Variants in METTL15 observed in about 807,000 individuals in gnomAD.
The protein encoded by METTL15 is methyltransferase 15, mitochondrial 12S rRNA N4-cytidine.
Under a neutral mutation model 38.3 loss-of-function variants are expected in METTL15, and 34 were observed. That is an observed-to-expected ratio of 0.89 (90% CI 0.68 to 1.18). METTL15 has a LOEUF of 1.18. Ranked by LOEUF, METTL15 falls within the 50% of genes most tolerant of loss-of-function variation. The pLI, the probability that METTL15 is intolerant of heterozygous loss-of-function variation, is 0.00. For synonymous variants in METTL15, 162 were observed against 170.9 expected (o/e 0.95, Z 0.41); for missense variants, 438 against 498.4 (o/e 0.88, Z 1.15).
At chr11:28,187,056 T>G (rs1851521601) in intron 3 of METTL15, among the ~76,000 whole-genome samples, 1 of 151,218 alleles carries the variant, frequency 6.6e-6, no homozygotes, top group Admixed American at 6.6e-5. Context: ...GGAATAACCT[T>G]AAACAAATCT....
chr11:28,261,891 C>T (rs569000872), intron 4 of METTL15, among the ~76,000 whole-genome samples: 102 of 152,302 alleles, frequency 6.7e-4, no homozygotes, highest in African/African-American at 2.5e-3. Flanking sequence ...TCATTATAAA[C>T]TAACCACATA....
At chr11:28,495,706 A>C (rs867935699) in intron 6 of METTL15, among the ~76,000 whole-genome samples, 37 of 152,158 alleles carry the variant, frequency 2.4e-4, no homozygotes, top group African/African-American at 6.8e-4. Context: ...TCCTAATAAC[A>C]TTTAAACCCA....
At chr11:28,128,849 A>G (rs570566530) in intron 3 of METTL15, among the ~76,000 whole-genome samples, 1 of 152,306 alleles carries the variant, frequency 6.6e-6, no homozygotes, top group Admixed American at 6.5e-5. Flanking sequence ...TTTTAGTCTA[A>G]TCTAAAGTGG....
intron 3 of METTL15, among the ~76,000 whole-genome samples, chr11:28,161,209 G>C (rs889351598): frequency 1.3e-5 from 2 of 148,394 alleles, no homozygotes; most frequent in Admixed American, 1.4e-4. Context: ...TGCCACTGCT[G>C]CCTCCCAGGT....
chr11:28,304,649 G>C (rs1857019852), intron 6 of METTL15, among the ~76,000 whole-genome samples: 2 of 152,136 alleles, frequency 1.3e-5, no homozygotes, highest in Admixed American at 1.3e-4. Flanking sequence ...CCGGGAGCTG[G>C]AGATTACAGT....
At chr11:28,152,518 C>T (rs1176654375) in intron 3 of METTL15, among the ~76,000 whole-genome samples, 2 of 151,414 alleles carry the variant, frequency 1.3e-5, no homozygotes, top group Non-Finnish European at 2.9e-5. Context: ...TGTTAGGAAA[C>T]GTTTCTTTTT....
At chr11:28,123,709 T>C (rs768447201) in intron 3 of METTL15, among the ~76,000 whole-genome samples, 4 of 152,168 alleles carry the variant, frequency 2.6e-5, no homozygotes, top group Non-Finnish European at 5.9e-5. Context: ...ATGTTTGAGA[T>C]GTCATTTTAT....
chr11:28,492,009 G>A (rs1851498900), intron 6 of METTL15, among the ~76,000 whole-genome samples: 2 of 152,048 alleles, frequency 1.3e-5, no homozygotes, highest in African/African-American at 2.4e-5. Context: ...ATTGTATAAG[G>A]TACAGGCCTT....
chr11:28,471,493 C>T lies in METTL15; in HGVS notation c.*424+47129C>T, dbSNP rs544065554. On this transcript the variant is annotated intron_variant and NMD_transcript_variant, in intron 6 of 7. Coordinates refer to the METTL15 transcript ENST00000532947. The stretch of plus-strand genomic sequence containing the variant: ...AATAACTCATCATTACTCTGAGTTG[C>T]GAGGCAAGATTTAGACACAGGTGGT... Among the ~76,000 whole-genome samples, 28 of 152,114 alleles carry T rather than the reference C, an allele frequency of 1.8e-4. No individual in the cohort carries two copies. The East Asian group carries it at 5.0e-3, about 27-fold the overall frequency.
intron 4 of METTL15, among the ~76,000 whole-genome samples, chr11:28,231,756 CA>C (rs923532245): frequency 2.0e-5 from 3 of 151,882 alleles, no homozygotes; most frequent in African/African-American, 7.2e-5. Flanking sequence ...ATTTTCTCTG[CA>C]AAATCATCCA....
Position 28,415,047 on chromosome 11 carries a change from T to G in METTL15, c.*359-9252T>G, listed in dbSNP as rs1427463350. Reference sequence around the variant, plus strand: ...GAATCCTTATCTCTACTATTGTGGATCATGTCATTGGGCACTCCAGAAAAT... The same window carrying G: ...GAATCCTTATCTCTACTATTGTGGAGCATGTCATTGGGCACTCCAGAAAAT... On this transcript the variant is annotated intron_variant and NMD_transcript_variant, in intron 5 of 7. Transcript: ENST00000532947. Among the ~76,000 whole-genome samples the G allele has an allele frequency of 2.0e-5, 3 of 152,226 alleles. 1 individual carries two copies. The South Asian group carries it at 6.2e-4, about 32-fold the overall frequency.
intron 6 of METTL15, among the ~76,000 whole-genome samples, chr11:28,316,823 G>A (rs531969760): frequency 1.3e-5 from 2 of 152,218 alleles, no homozygotes; most frequent in East Asian, 3.9e-4. Flanking sequence ...CTCTCATTTT[G>A]CCTGCTGCAA....
At chr11:28,262,145 A>C (rs1350467653) in intron 4 of METTL15, among the ~76,000 whole-genome samples, 3 of 152,106 alleles carry the variant, frequency 2.0e-5, no homozygotes, top group African/African-American at 7.2e-5. Context: ...TAATTTTTGT[A>C]AAAAATAAGT....
chr11:28,186,076 T>G (rs1293721042), intron 3 of METTL15, among the ~76,000 whole-genome samples: 2 of 150,994 alleles, frequency 1.3e-5, no homozygotes, highest in Non-Finnish European at 3.0e-5. Context: ...GGGGTTCTAA[T>G]GAACAAATGA....
intron 6 of METTL15, chr11:28,328,072 T>C (rs1398648008): frequency 3.1e-6 from 5 of 1,598,922 alleles, no homozygotes; most frequent in Non-Finnish European, 3.4e-6. Flanking sequence ...TACATGAAAA[T>C]ATATGTTTGT....
In METTL15 at chr11:28,354,582, A is replaced by C. The variant is rs16917890; in HGVS notation, c.*258+2424A>C. 4.8e-3 allele frequency among the ~76,000 whole-genome samples: 736 copies of C among 152,280 alleles called. 3 individuals carry two copies. The highest frequency in any genetic ancestry group is 0.017 in the African/African-American group (690 of 41,558). On this transcript the variant is annotated intron_variant and NMD_transcript_variant, in intron 4 of 7. Coordinates refer to the METTL15 transcript ENST00000532947. ...AGAGTACAGAGAATAGAGATCTGGC[A>C]GTATGGCTTGAGGGCAGCAGTGGAT...
rs912090892 is a variant in METTL15, at chr11:28,428,097, A to G, written c.*424+3733A>G. 2.6e-5 allele frequency among the ~76,000 whole-genome samples: 4 copies of G among 152,328 alleles called. No homozygotes were observed. In the South Asian group the frequency reaches 6.2e-4, roughly 24 times the overall value. ...AATAATTAAATGCTTAATGACAGGG[A>G]TACATTTCTATAAATGTGTCATTAG... is the stretch of plus-strand genomic sequence containing the variant. On this transcript the variant is annotated intron_variant and NMD_transcript_variant, in intron 6 of 7. Coordinates refer to the METTL15 transcript ENST00000532947.
At chr11:28,428,867 C>T (rs771107913) in intron 6 of METTL15, among the ~76,000 whole-genome samples, 1 of 152,166 alleles carries the variant, frequency 6.6e-6, no homozygotes, top group South Asian at 2.1e-4. Flanking sequence ...TGGCAGATCC[C>T]CTTCCTATAA....
At chr11:28,376,789 G>A (rs954816906) in intron 5 of METTL15, among the ~76,000 whole-genome samples, 45 of 149,962 alleles carry the variant, frequency 3.0e-4, no homozygotes, top group African/African-American at 9.7e-4. Context: ...ACTTTGCAGC[G>A]GCTGGTACCG....
Sources: gnomAD v4.1 joint callset for allele counts (sites outside exome capture counted in the v4.1 genomes callset) on GRCh38, gnomAD v4.1.1 for gene constraint, MANE v1.5 for transcripts, NCBI Gene and HGNC (gene_info 2026-07-23, HGNC 2026-07-21) for gene names.